Variants in CHRM2 observed in about 807,000 individuals in gnomAD.
The protein encoded by CHRM2 is muscarinic acetylcholine receptor M2.
Under a neutral mutation model 25.0 loss-of-function variants are expected in CHRM2, and 8 were observed. The ratio of observed to expected loss-of-function variants is 0.32; its 90% CI spans 0.19 to 0.58. The LOEUF (loss-of-function observed/expected upper bound fraction) is 0.58. Ranked by LOEUF, CHRM2 falls within the 20% of genes least tolerant of loss-of-function variation. The pLI is 0.88. For missense variants in CHRM2, 440 were observed against 567.1 expected, an observed-to-expected ratio of 0.78 and a Z score of 2.28; for synonymous variants, 202 against 205.7, an observed-to-expected ratio of 0.98 and a Z score of 0.15.
rs146093146 is a variant in CHRM2, at chr7:137,011,194, C to CGTGTGTGTGT, written c.-46-3613_-46-3604dup. On this transcript the variant is annotated intron_variant, in intron 3 of 3. Coordinates refer to ENST00000680005, the MANE Select transcript of CHRM2 (RefSeq NM_001006630.2). The stretch of plus-strand genomic sequence containing the variant: ...ACAGAACCAATAGGATATATGTGTA[C>CGTGTGTGTGT]GTGTGTGTGTGTGTGTGTGTGTATA... Among the ~76,000 whole-genome samples the CGTGTGTGTGT allele has an allele frequency of 8.3e-4, 113 of 136,330 alleles. 2 individuals carry two copies. The highest frequency in any genetic ancestry group is 1.5e-3 in the African/African-American group (48 of 32,198). 89.4% of individuals were successfully genotyped at this position (136,330 alleles called of 152,430 possible). A position where few individuals can be genotyped will look rare whatever the true frequency, so the allele number is the denominator to read the frequency against.
intron 3 of CHRM2, among the ~76,000 whole-genome samples, chr7:137,003,555 A>ACAGGCC (rs778577144): frequency 1.8e-3 from 262 of 149,702 alleles, no homozygotes; most frequent in Middle Eastern, 3.4e-3. Flanking sequence ...GTGAATAAAT[A>ACAGGCC]CAGGCCCAGG....
chr7:136,993,014 A>G (rs1803332617), intron 3 of CHRM2, among the ~76,000 whole-genome samples: 1 of 152,212 alleles, frequency 6.6e-6, no homozygotes, highest in African/African-American at 2.4e-5. Flanking sequence ...ATACCTTCAC[A>G]GCAACACCTA....
chr7:136,875,962 C>G (rs1355321291), intron 2 of CHRM2, among the ~76,000 whole-genome samples: 1 of 152,084 alleles, frequency 6.6e-6, no homozygotes, highest in Admixed American at 6.6e-5. Flanking sequence ...AAGCTTCACA[C>G]TTATACTCTA....
intron 2 of CHRM2, among the ~76,000 whole-genome samples, chr7:136,917,032 C>T (rs918459283): frequency 6.6e-5 from 10 of 151,880 alleles, no homozygotes; most frequent in African/African-American, 1.2e-4. Context: ...ATTAATGATT[C>T]TAATATATGC....
rs1039439548 is a variant in CHRM2, at chr7:137,002,489, A to G, written c.-47+10225A>G. Among the ~76,000 whole-genome samples, 13 of 152,338 alleles carry G rather than the reference A, an allele frequency of 8.5e-5. 3 individuals are homozygous for G. Among genetic ancestry groups the G allele is most frequent in the Admixed American group, 6.5e-4 (10 of 15,290 alleles). On this transcript the variant is annotated intron_variant, in intron 3 of 3. Transcript: ENST00000680005. ...TTTCAGCAAAAGTAAGTTTAGATTT[A>G]CTAAGTAATCTTTCATAGATCTACA... is the stretch of plus-strand genomic sequence containing the variant.
In CHRM2 at chr7:136,998,044, T is replaced by C. The variant is rs532651882; in HGVS notation, c.-47+5780T>C. ...TATGACATTGAAGAGAATATACAAA[T>C]GAACTTGCCAAGTAAATTGCTTTCC... is the stretch of plus-strand genomic sequence containing the variant. On this transcript the variant is annotated intron_variant, in intron 3 of 3. Transcript: ENST00000680005. Among the ~76,000 whole-genome samples, 5 of 152,306 alleles carry C rather than the reference T, an allele frequency of 3.3e-5. 1 individual carries two copies. The highest frequency in any genetic ancestry group is 1.2e-4 in the African/African-American group (5 of 41,568).
chr7:136,875,236 G>A (rs905497244), intron 2 of CHRM2, among the ~76,000 whole-genome samples: 10 of 150,862 alleles, frequency 6.6e-5, no homozygotes, highest in African/African-American at 2.2e-4. Context: ...ATACACACAC[G>A]CGTGAGAAAG....
intron 3 of CHRM2, among the ~76,000 whole-genome samples, chr7:136,993,357 A>G (rs527571287): frequency 6.6e-6 from 1 of 152,352 alleles, no homozygotes; most frequent in South Asian, 2.1e-4. Flanking sequence ...TAGCTGGCAC[A>G]TAACTTACTC....
chr7:136,932,196 G>C (rs1279126163), intron 2 of CHRM2, among the ~76,000 whole-genome samples: 5 of 152,150 alleles, frequency 3.3e-5, no homozygotes, highest in African/African-American at 4.8e-5. Flanking sequence ...CAACCAGGTA[G>C]GTTACATAAA....
intron 3 of CHRM2, among the ~76,000 whole-genome samples, chr7:137,008,705 GA>G (rs1250331039): frequency 1.3e-5 from 2 of 152,026 alleles, no homozygotes; most frequent in African/African-American, 2.4e-5. Context: ...AAAAATTAAA[GA>G]AATAGAAACA....
chr7:136,919,642 T>A (rs1268292761), intron 2 of CHRM2, among the ~76,000 whole-genome samples: 1 of 152,122 alleles, frequency 6.6e-6, no homozygotes, highest in Non-Finnish European at 1.5e-5. Context: ...TCTGTGACCC[T>A]ATAAACCCAT....
intron 2 of CHRM2, among the ~76,000 whole-genome samples, chr7:136,975,357 C>T (rs560513901): frequency 3.3e-5 from 5 of 152,068 alleles, no homozygotes; most frequent in Non-Finnish European, 7.4e-5. Context: ...GGTCCATAGC[C>T]TTTCCCAAAT....
At chr7:136,951,297 G>T (rs1382611860) in intron 2 of CHRM2, among the ~76,000 whole-genome samples, 1 of 152,192 alleles carries the variant, frequency 6.6e-6, no homozygotes, top group Non-Finnish European at 1.5e-5. Context: ...AGAATTTGTT[G>T]TAAAGCAACC....
chr7:136,963,825 G>A (rs1801246720), intron 2 of CHRM2, among the ~76,000 whole-genome samples: 1 of 152,110 alleles, frequency 6.6e-6, no homozygotes, highest in Non-Finnish European at 1.5e-5. Flanking sequence ...CAATTCTAAT[G>A]TGCTTCCAGT....
intron 2 of CHRM2, among the ~76,000 whole-genome samples, chr7:136,973,573 G>A (rs113787700): frequency 0.086 from 8,133 of 94,404 alleles, 43 homozygotes; most frequent in East Asian, 0.17. Context: ...TGACGGTGAC[G>A]GTGTTAGGGA....
chr7:136,925,734 CT>C (rs1421732170), intron 2 of CHRM2, among the ~76,000 whole-genome samples: 1 of 152,196 alleles, frequency 6.6e-6, no homozygotes. Flanking sequence ...TCTTGACTCA[CT>C]TTCAAGTCTC....
chr7:137,014,199 C>A (rs1476496818), intron 3 of CHRM2, among the ~76,000 whole-genome samples: 1 of 151,828 alleles, frequency 6.6e-6, no homozygotes, highest in African/African-American at 2.4e-5. Context: ...ATACTGATTA[C>A]AAGTATGAAA....
chr7:136,945,953 A>G (rs1442273862), intron 2 of CHRM2, among the ~76,000 whole-genome samples: 1 of 152,116 alleles, frequency 6.6e-6, no homozygotes, highest in Non-Finnish European at 1.5e-5. Flanking sequence ...ATTCTATATA[A>G]TATTTTTATG....
intron 2 of CHRM2, among the ~76,000 whole-genome samples, chr7:136,895,744 T>C (rs958040206): frequency 6.6e-6 from 1 of 152,226 alleles, no homozygotes; most frequent in African/African-American, 2.4e-5. Flanking sequence ...AATCGCTTTG[T>C]TGTCAGTATA....
Sources: gnomAD v4.1 joint callset for allele counts (sites outside exome capture counted in the v4.1 genomes callset) on GRCh38, gnomAD v4.1.1 for gene constraint, MANE v1.5 for transcripts, NCBI Gene and HGNC (gene_info 2026-07-23, HGNC 2026-07-21) for gene names.